CUBN: variants seen among roughly 807,000 people sequenced by gnomAD.
The protein encoded by CUBN is 460 kDa receptor.
CUBN carries 282 observed loss-of-function variants against 405.3 expected under a neutral mutation model. The observed-to-expected ratio is 0.70, with a 90% CI of 0.63 to 0.77. The LOEUF is 0.77. Ranked by LOEUF, CUBN falls within the 30% of genes least tolerant of loss-of-function variation. The probability of loss-of-function intolerance (pLI) is 0.00; values close to 1 mark genes in which losing one functional copy is unlikely to be tolerated. For missense variants in CUBN, 4,514 were observed against 4,475.2 expected, an observed-to-expected ratio of 1.01 and a Z score of -0.25; for synonymous variants, 1,684 against 1,617.0, an observed-to-expected ratio of 1.04 and a Z score of -0.99.
chr10:16,995,376 T>G (rs1833704686), intron 28 of CUBN, among the ~76,000 whole-genome samples: 1 of 152,258 alleles, frequency 6.6e-6, no homozygotes, highest in African/African-American at 2.4e-5. Flanking sequence ...CATCTATAGC[T>G]GTATGAATAC....
In CUBN at chr10:17,075,073, C is replaced by CTTTTTTTTTTTTT. The variant is rs957929670; in HGVS notation, c.2302-3115_2302-3103dup. Reference sequence around the variant, plus strand: ...TAAAGAGAAGATTTTTCTTTGTTTTCTTTTTTTTTTTTTTTTTTTTTTTTT... The same window carrying CTTTTTTTTTTTTT: ...TAAAGAGAAGATTTTTCTTTGTTTTCTTTTTTTTTTTTTTTTTTTTTTTTTTTTTTTTTTTTTT... On this transcript the variant is annotated intron_variant, in intron 17 of 66. Coordinates refer to ENST00000377833, the MANE Select transcript of CUBN (RefSeq NM_001081.4). 2.1e-4 allele frequency among the ~76,000 whole-genome samples: 14 copies of CTTTTTTTTTTTTT among 65,328 alleles called. 1 individual carries two copies. The highest frequency in any genetic ancestry group is 8.3e-4 in the African/African-American group (13 of 15,716). 42.9% of individuals were successfully genotyped at this position (65,328 alleles called of 152,430 possible).
At position 17,007,102 on chromosome 10, in the gene CUBN, G is replaced by A. The variant is rs529558867; in HGVS notation, c.4168+12731C>T. Among the ~76,000 whole-genome samples the A allele has an allele frequency of 1.8e-4, 28 of 152,288 alleles. No homozygotes were observed. The South Asian group carries it at 4.1e-3, about 23-fold the overall frequency. ...TCTGGGAGCAACGACCAGAAGAGGC[G>A]AGGGGGTCTGTGCAGCTGGTTGGGA... is the stretch of plus-strand genomic sequence containing the variant. On this transcript the variant is annotated intron_variant, in intron 28 of 66. Coordinates refer to ENST00000377833, the MANE Select transcript of CUBN (RefSeq NM_001081.4).
intron 31 of CUBN, among the ~76,000 whole-genome samples, chr10:16,972,469 A>C (rs1832963477): frequency 1.3e-5 from 2 of 149,334 alleles, no homozygotes; most frequent in Non-Finnish European, 3.0e-5. Context: ...AAACAGGGTC[A>C]TGCTGTCACC....
intron 43 of CUBN, 37 bp from the exon 44 acceptor site, chr10:16,920,174 G>A (rs1432100394): frequency 6.2e-7 from 1 of 1,605,242 alleles, no homozygotes; most frequent in African/African-American, 1.3e-5. Flanking sequence ...CTATGATCTG[G>A]TGAAGGGGAT....
At chr10:17,008,146 G>C (rs1052549222) in intron 28 of CUBN, among the ~76,000 whole-genome samples, 1 of 151,464 alleles carries the variant, frequency 6.6e-6, no homozygotes, top group African/African-American at 2.4e-5. Flanking sequence ...ATGACACCTC[G>C]TCTCAAAAAA....
In CUBN at chr10:16,828,686, C is replaced by T. The variant is rs1470565809; in HGVS notation, c.10764+119G>A. ...TGAGTTGAGATTGCGCGCACCACTG[C>T]ACTCCAGCCTGGGTGACAAGAGCGA... On this transcript the variant is annotated intron_variant, in intron 66 of 66. Transcript: ENST00000377833. 4.6e-5 allele frequency: 37 copies of T among 800,362 alleles called. No individual in the cohort carries two copies. The Admixed American group carries it at 7.3e-4, about 16-fold the overall frequency. The allele number at this position is 800,362 out of a possible 1,614,324, so 49.6% of individuals were successfully genotyped here.
rs1233028413 is a variant in CUBN at position 16,955,200 on chromosome 10, C to CT, written c.4696-653_4696-652insA. ...AGCCTGGCCAACATGGCGAGACCCC[C>CT]GTCTCTAATAAAAAATACACAAATT... On this transcript the variant is annotated intron_variant, in intron 31 of 66. Transcript: ENST00000377833. Among the ~76,000 whole-genome samples the CT allele has an allele frequency of 6.7e-5, 10 of 149,754 alleles. 1 individual carries two copies. The highest frequency in any genetic ancestry group is 6.0e-4 in the Admixed American group (9 of 15,032).
At chr10:17,085,538 T>C (rs1432893512) in intron 16 of CUBN, 59 bp downstream of exon 16, 5 of 1,468,616 alleles carry the variant, frequency 3.4e-6, no homozygotes, top group Admixed American at 3.3e-5. Flanking sequence ...ATAAAACAGA[T>C]GTAAGCATAG....
intron 56 of CUBN, among the ~76,000 whole-genome samples, chr10:16,885,741 A>C (rs1840792970): frequency 6.6e-6 from 1 of 152,192 alleles, no homozygotes; most frequent in Non-Finnish European, 1.5e-5. Flanking sequence ...CTGTGGCTTT[A>C]TAGTACAATT....
chr10:16,901,583 G>T, intron 51 of CUBN, 124 bp from the exon 52 acceptor site: 2 of 1,296,800 alleles, frequency 1.5e-6, no homozygotes, highest in South Asian at 1.3e-5. Flanking sequence ...GCCAGGCATG[G>T]TGGCTCACGC....
intron 28 of CUBN, among the ~76,000 whole-genome samples, chr10:17,000,824 T>G (rs942344039): frequency 1.3e-5 from 2 of 152,224 alleles, no homozygotes; most frequent in African/African-American, 4.8e-5. Flanking sequence ...TCATCCATAA[T>G]AAGGGAATGA....
Position 16,824,974 on chromosome 10 carries a change from C to T in CUBN, c.*1G>A. The T allele has an allele frequency of 6.2e-7, 1 of 1,611,422 alleles. No homozygotes were observed. Among genetic ancestry groups the T allele is most frequent in the Non-Finnish European group, 8.5e-7 (1 of 1,177,638 alleles). ...CTGAGTGAACACGAGTTGTTACCCA[C>T]TTAGCTGTCCCAAGTTAATCGGAAT... On this transcript the variant is annotated 3_prime_UTR_variant, in exon 67 of 67. Coordinates refer to ENST00000377833, the MANE Select transcript of CUBN (RefSeq NM_001081.4).
At chr10:17,121,410 G>A (rs1353991215) in intron 6 of CUBN, among the ~76,000 whole-genome samples, 1 of 151,948 alleles carries the variant, frequency 6.6e-6, no homozygotes, top group Non-Finnish European at 1.5e-5. Context: ...CATGGATGAA[G>A]CTGGAAACCA....
intron 22 of CUBN, among the ~76,000 whole-genome samples, chr10:17,049,153 A>C (rs1322665403): frequency 2.0e-5 from 3 of 152,258 alleles, no homozygotes; most frequent in Non-Finnish European, 4.4e-5. Flanking sequence ...GACAACAGGA[A>C]AGGCAGAAAA....
chr10:17,008,335 C>T (rs1446131049), intron 28 of CUBN, among the ~76,000 whole-genome samples: 3 of 138,894 alleles, frequency 2.2e-5, no homozygotes, highest in African/African-American at 5.5e-5. Context: ...AGTCCCTCCC[C>T]GTGTGTGTGT....
chr10:17,121,805 G>T (rs371724276), intron 6 of CUBN: 1 of 152,180 alleles, frequency 6.6e-6, no homozygotes, highest in Non-Finnish European at 1.5e-5. Context: ...TGAAGAACAA[G>T]ATAGCAGAGA....
chr10:17,110,652 C>A (rs1035314453), intron 9 of CUBN, among the ~76,000 whole-genome samples: 1 of 152,074 alleles, frequency 6.6e-6, no homozygotes, highest in Non-Finnish European at 1.5e-5. Context: ...CTCAGCCTCC[C>A]GAGTAGCTAG....
At chr10:17,090,788 G>T (rs561134511) in intron 14 of CUBN, among the ~76,000 whole-genome samples, 192 of 134,896 alleles carry the variant, frequency 1.4e-3, no homozygotes, top group Middle Eastern at 3.8e-3. Flanking sequence ...TGGGAACCAG[G>T]ATTTTTACTG....
At chr10:16,944,495 A>T (rs1463816531) in intron 36 of CUBN, among the ~76,000 whole-genome samples, 3 of 152,208 alleles carry the variant, frequency 2.0e-5, no homozygotes, top group Non-Finnish European at 4.4e-5. Flanking sequence ...TGTGATACAC[A>T]TGCTTCTCAT....
Sources: allele counts gnomAD v4.1 joint callset (sites outside exome capture counted in the v4.1 genomes callset), GRCh38; gene constraint gnomAD v4.1.1; transcripts MANE v1.5; gene names NCBI Gene and HGNC (gene_info 2026-07-23, HGNC 2026-07-21).